The following KCNH1 variants were observed in gnomAD, a reference collection of about 807,000 sequenced individuals.
The protein encoded by KCNH1 is voltage-gated delayed rectifier potassium channel KCNH1.
KCNH1 carries 27 observed loss-of-function variants against 69.2 expected under a neutral mutation model. That is an observed-to-expected ratio of 0.39 (90% CI 0.29 to 0.54). The LOEUF (loss-of-function observed/expected upper bound fraction) is 0.54. Among genes scored for constraint, KCNH1 ranks in the 20% least tolerant of loss-of-function variants. The pLI, the probability that KCNH1 is intolerant of heterozygous loss-of-function variation, is 0.68. For synonymous variants in KCNH1, 456 were observed against 487.7 expected, an observed-to-expected ratio of 0.93 and a Z score of 0.86; for missense variants, 798 against 1,261.6, an observed-to-expected ratio of 0.63 and a Z score of 5.57.
chr1:210,850,045 A>G (rs1685650143), intron 7 of KCNH1, among the ~76,000 whole-genome samples: 1 of 152,222 alleles, frequency 6.6e-6, no homozygotes, highest in Middle Eastern at 3.2e-3. Flanking sequence ...CTTCGTGACC[A>G]AAATTATCAT....
At chr1:210,860,114 TTG>T in intron 7 of KCNH1, 6 of 1,092,762 alleles carry the variant, frequency 5.5e-6, no homozygotes, top group Non-Finnish European at 7.7e-6. Flanking sequence ...GAAGAATCTT[TTG>T]TGCACATACT....
At chr1:211,063,540 A>C (rs1690471411) in intron 5 of KCNH1, 1 of 152,316 alleles carries the variant, frequency 6.6e-6, no homozygotes, top group Non-Finnish European at 1.5e-5. Flanking sequence ...CGGGAGTTCG[A>C]GACCACCCTG....
rs574419764 is a variant in KCNH1, at chr1:211,002,353, T to C, written c.1032+16430A>G. Among the ~76,000 whole-genome samples the C allele has an allele frequency of 1.1e-3, 160 of 145,058 alleles. 2 individuals carry two copies. The highest frequency in any genetic ancestry group is 0.011 in the South Asian group (50 of 4,646). On this transcript the variant is annotated intron_variant, in intron 6 of 10. Transcript: ENST00000271751. ...GTGTGTGTGTGTATATATATATATA[T>C]ACACACACACATATATATATACACC...
chr1:210,915,282 T>C (rs1183410386), intron 7 of KCNH1, among the ~76,000 whole-genome samples: 1 of 152,084 alleles, frequency 6.6e-6, no homozygotes, highest in African/African-American at 2.4e-5. Flanking sequence ...GACTGTCAAC[T>C]CCTTAAGAGC....
intron 6 of KCNH1, among the ~76,000 whole-genome samples, chr1:210,931,259 C>T (rs1041134937): frequency 5.3e-5 from 8 of 152,110 alleles, no homozygotes; most frequent in African/African-American, 1.2e-4. Flanking sequence ...AATATGGAAC[C>T]AGCCCAAATG....
intron 6 of KCNH1, among the ~76,000 whole-genome samples, chr1:210,923,603 G>C (rs2102566738): frequency 6.6e-6 from 1 of 152,322 alleles, no homozygotes; most frequent in East Asian, 1.9e-4. Flanking sequence ...AGAATGCTCA[G>C]CATTCCTGTT....
intron 10 of KCNH1, among the ~76,000 whole-genome samples, chr1:210,759,110 A>G (rs1195057354): frequency 6.7e-6 from 1 of 150,226 alleles, no homozygotes. Flanking sequence ...AGGGGAAAAA[A>G]GAATTAAAAA....
chr1:211,119,630 A>G (rs993451866), intron 1 of KCNH1, among the ~76,000 whole-genome samples: 5 of 152,136 alleles, frequency 3.3e-5, no homozygotes, highest in Admixed American at 6.5e-5. Context: ...AGTATGATAT[A>G]CCCAAATAAA....
At chr1:211,129,730 C>T (rs979527522) in intron 1 of KCNH1, among the ~76,000 whole-genome samples, 1 of 152,262 alleles carries the variant, frequency 6.6e-6, no homozygotes, top group African/African-American at 2.4e-5. Flanking sequence ...CTCAAAACAC[C>T]CATGAGGAGA....
At chr1:210,856,859 CTATA>C (rs1241316583) in intron 7 of KCNH1, among the ~76,000 whole-genome samples, 1 of 78,422 alleles carries the variant, frequency 1.3e-5, no homozygotes, top group African/African-American at 4.3e-5. Context: ...ATGTAACCCA[CTATA>C]TATATATAAC....
rs527602781 is a variant in KCNH1, at chr1:210,695,794, C to T, written c.2113-11656G>A. ...GAGACAGTGAGCCCCAGGATGTGTG[C>T]ATCAGCTCTTTATGTATTGCCAATT... On this transcript the variant is annotated intron_variant, in intron 10 of 10. Transcript: ENST00000271751. Among the ~76,000 whole-genome samples the T allele has an allele frequency of 3.3e-5, 5 of 152,322 alleles. No individual in the cohort carries two copies. In the South Asian group the frequency reaches 8.3e-4, roughly 25 times the overall value.
chr1:210,761,373 G>A (rs192999701), intron 10 of KCNH1, among the ~76,000 whole-genome samples: 157 of 150,880 alleles, frequency 1.0e-3, no homozygotes, highest in African/African-American at 3.7e-3. Context: ...ACTACAACAG[G>A]AACAAAATCT....
At chr1:210,999,318 A>C (rs1689120768) in intron 6 of KCNH1, among the ~76,000 whole-genome samples, 2 of 152,226 alleles carry the variant, frequency 1.3e-5, no homozygotes, top group African/African-American at 4.8e-5. Context: ...ACAATAAAAA[A>C]TGATAAAGGG....
chr1:211,071,942 C>T (rs1337617853), intron 5 of KCNH1, among the ~76,000 whole-genome samples: 1 of 152,068 alleles, frequency 6.6e-6, no homozygotes, highest in Admixed American at 6.5e-5. Flanking sequence ...AAAAAACCCA[C>T]CAACCTAGAA....
At chr1:211,125,693 G>A (rs1691766091) in intron 1 of KCNH1, among the ~76,000 whole-genome samples, 2 of 152,278 alleles carry the variant, frequency 1.3e-5, no homozygotes, top group South Asian at 4.1e-4. Flanking sequence ...TTTAAGGGAA[G>A]AAAAAGGAGA....
chr1:210,980,833 G>A lies in KCNH1; in HGVS notation c.1032+37950C>T, dbSNP rs996809880. On this transcript the variant is annotated intron_variant, in intron 6 of 10. Transcript: ENST00000271751. ...TGTATTAGACAATGTGTGTGTGTGT[G>A]TGTGTGTGTGTGCATTTATATACAT... Among the ~76,000 whole-genome samples, 3 of 152,054 alleles carry A rather than the reference G, an allele frequency of 2.0e-5. No homozygotes were observed. In the East Asian group the frequency reaches 5.8e-4, roughly 29 times the overall value.
intron 7 of KCNH1, among the ~76,000 whole-genome samples, chr1:210,822,401 C>T (rs1477314315): frequency 7.2e-5 from 11 of 152,034 alleles, no homozygotes; most frequent in Non-Finnish European, 7.4e-5. Flanking sequence ...GCCCATGAAA[C>T]CATTTTCAGA....
intron 10 of KCNH1, among the ~76,000 whole-genome samples, chr1:210,693,021 C>T (rs1436963809): frequency 3.3e-5 from 5 of 152,188 alleles, no homozygotes; most frequent in Non-Finnish European, 5.9e-5. Flanking sequence ...GCTCAGGCCT[C>T]CACCAGCTGT....
At chr1:210,818,843 A>G (rs1004487190) in intron 7 of KCNH1, among the ~76,000 whole-genome samples, 1 of 152,152 alleles carries the variant, frequency 6.6e-6, no homozygotes, top group Non-Finnish European at 1.5e-5. Context: ...ATCACCAGAA[A>G]AGCTTTCTAA....
Sources: allele counts gnomAD v4.1 joint callset (sites outside exome capture counted in the v4.1 genomes callset), GRCh38; gene constraint gnomAD v4.1.1; transcripts MANE v1.5; gene names NCBI Gene and HGNC (gene_info 2026-07-23, HGNC 2026-07-21).